The following PDIK1L variants were observed in gnomAD, a reference collection of about 807,000 sequenced individuals.
The protein encoded by PDIK1L is PDLIM1 interacting kinase 1 like, also known as serine/threonine-protein kinase PDIK1L.
PDIK1L carries 9 observed loss-of-function variants against 27.1 expected under a neutral mutation model. The ratio of observed to expected loss-of-function variants is 0.33; its 90% CI spans 0.20 to 0.58. The LOEUF (loss-of-function observed/expected upper bound fraction) is 0.58. PDIK1L is among the 20% of genes least tolerant of loss of function. The pLI is 0.86. For missense variants in PDIK1L, 216 were observed against 413.2 expected, an observed-to-expected ratio of 0.52 and a Z score of 4.14; for synonymous variants, 130 against 141.7, an observed-to-expected ratio of 0.92 and a Z score of 0.59.
Position 26,124,230 on chromosome 1 carries a change from T to G in PDIK1L, c.*1653T>G, listed in dbSNP as rs1028200585. 3 of 152,496 alleles carry G rather than the reference T, an allele frequency of 2.0e-5. No homozygotes were observed. The highest frequency in any genetic ancestry group is 7.2e-5 in the African/African-American group (3 of 41,468). The allele number at this position is 152,496 out of a possible 1,614,324, so 9.4% of individuals were successfully genotyped here. A position where few individuals can be genotyped will look rare whatever the true frequency, so the allele number is the denominator to read the frequency against. Reference sequence around the variant, plus strand: ...ACATAAAATTTCTGGACTATGTTAGTTACTTGATCTGGAAGTTTAAAATTT... The same window carrying G: ...ACATAAAATTTCTGGACTATGTTAGGTACTTGATCTGGAAGTTTAAAATTT... On this transcript the variant is annotated 3_prime_UTR_variant, in exon 3 of 3. Transcript: ENST00000374269.
Position 26,122,654 on chromosome 1 carries a change from G to T in PDIK1L, c.*77G>T. On this transcript the variant is annotated 3_prime_UTR_variant, in exon 3 of 3. Transcript: ENST00000374269. This position sits in a 1 kb window ranked among gnomAD's most constrained non-coding sequence, Gnocchi z 5.4. ...GATGCAACATTATGTGGCTGAAAAAGAATATAAAAAGCTAGACTCTACCCT... is the reference window on the plus strand; with the variant it reads ...GATGCAACATTATGTGGCTGAAAAATAATATAAAAAGCTAGACTCTACCCT... The T allele has an allele frequency of 2.0e-6, 3 of 1,483,136 alleles. No homozygotes were observed. The highest frequency in any genetic ancestry group is 9.0e-7 in the Non-Finnish European group (1 of 1,111,710). 91.9% of individuals were successfully genotyped at this position (1,483,136 alleles called of 1,614,324 possible). A position where few individuals can be genotyped will look rare whatever the true frequency, so the allele number is the denominator to read the frequency against.
At chr1:26,113,198 A>G (rs1329570082) in intron 1 of PDIK1L, among the ~76,000 whole-genome samples, 1 of 152,254 alleles carries the variant, frequency 6.6e-6, no homozygotes, top group Non-Finnish European at 1.5e-5. Flanking sequence ...ATTTTTAAGT[A>G]AATGTTTCTG....
chr1:26,112,698 C>T (rs1310490714), intron 1 of PDIK1L: 1 of 152,246 alleles, frequency 6.6e-6, no homozygotes, highest in African/African-American at 2.4e-5. Context: ...TCTCAGAAGT[C>T]ATTTCTTTTT....
chr1:26,113,057 G>A (rs1245369768), intron 1 of PDIK1L, among the ~76,000 whole-genome samples: 1 of 152,114 alleles, frequency 6.6e-6, no homozygotes, highest in African/African-American at 2.4e-5. Flanking sequence ...AAATGACCTA[G>A]AACTAAATAG....
rs1427002223 is a variant in PDIK1L at position 26,122,908 on chromosome 1, A to G, written c.*331A>G. ...AGTATTTTAGACATTCCTCGTCAGTATTAGGAATTTCCATGGGAAAAGAGG... is the reference window on the plus strand; with the variant it reads ...AGTATTTTAGACATTCCTCGTCAGTGTTAGGAATTTCCATGGGAAAAGAGG... On this transcript the variant is annotated 3_prime_UTR_variant, in exon 3 of 3. Coordinates refer to ENST00000374269, the MANE Select transcript of PDIK1L (RefSeq NM_152835.5). This position sits in a 1 kb window ranked among gnomAD's most constrained non-coding sequence, Gnocchi z 5.4. The G allele has an allele frequency of 1.1e-5, 2 of 180,384 alleles. No individual in the cohort carries two copies. The highest frequency in any genetic ancestry group is 4.7e-5 in the African/African-American group (2 of 42,268). 11.2% of individuals were successfully genotyped at this position (180,384 alleles called of 1,614,324 possible).
In PDIK1L at chr1:26,125,068, A is replaced by G. The variant is rs2088055387; in HGVS notation, c.*2491A>G. 2 of 152,756 alleles carry G rather than the reference A, an allele frequency of 1.3e-5. No homozygotes were observed. The highest frequency in any genetic ancestry group is 1.3e-4 in the Admixed American group (2 of 15,302). The allele number at this position is 152,756 out of a possible 1,614,324, so 9.5% of individuals were successfully genotyped here. A position where few individuals can be genotyped will look rare whatever the true frequency, so the allele number is the denominator to read the frequency against. ...TTTGAAATTTGTCTTAATTGAAAAA[A>G]GACCAAATATTTCAAATGAGCTTAT... is the stretch of plus-strand genomic sequence containing the variant. On this transcript the variant is annotated 3_prime_UTR_variant, in exon 3 of 3. Coordinates refer to ENST00000374269, the MANE Select transcript of PDIK1L (RefSeq NM_152835.5).
intron 2 of PDIK1L, among the ~76,000 whole-genome samples, chr1:26,118,110 G>A (rs1414487103): frequency 6.6e-6 from 1 of 151,130 alleles, no homozygotes; most frequent in African/African-American, 2.4e-5. Context: ...TTGAGTTTTA[G>A]AGACTAAGAG....
chr1:26,116,275 T>G (rs1569806647), intron 2 of PDIK1L, among the ~76,000 whole-genome samples: 1 of 148,772 alleles, frequency 6.7e-6, no homozygotes, highest in South Asian at 2.1e-4. Context: ...TTTAGGAGGG[T>G]GAAGCAGGAG....
In PDIK1L at chr1:26,122,811, A is replaced by G. The variant is rs1271428972; in HGVS notation, c.*234A>G. 2 of 354,432 alleles carry G rather than the reference A, an allele frequency of 5.6e-6. No homozygotes were observed. Among genetic ancestry groups the G allele is most frequent in the African/African-American group, 4.2e-5 (2 of 47,254 alleles). 22.0% of individuals were successfully genotyped at this position (354,432 alleles called of 1,614,324 possible). Reference sequence around the variant, plus strand: ...AAATTTTTAAAAAATGATTATTGATAGAAGTTTGGCAGGAAAATTCTTTAA... The same window carrying G: ...AAATTTTTAAAAAATGATTATTGATGGAAGTTTGGCAGGAAAATTCTTTAA... On this transcript the variant is annotated 3_prime_UTR_variant, in exon 3 of 3. Transcript: ENST00000374269. The surrounding 1 kb of genome is among the most constrained non-coding windows in gnomAD (Gnocchi z 5.4).
In PDIK1L at chr1:26,121,775, TC is replaced by T. The variant is rs2124474871; in HGVS notation, c.286-60del. 6.8e-6 allele frequency: 10 copies of T among 1,462,816 alleles called. No individual in the cohort carries two copies. The South Asian group carries it at 1.2e-4, about 18-fold the overall frequency. 90.6% of individuals were successfully genotyped at this position (1,462,816 alleles called of 1,614,324 possible). A position where few individuals can be genotyped will look rare whatever the true frequency, so the allele number is the denominator to read the frequency against. ...TGACTTAACCTTTCAATTATTATTT[TC>T]CTATAACTGAATTGTATAACCTATG... On this transcript the variant is annotated intron_variant, in intron 2 of 2. Coordinates refer to ENST00000374269, the MANE Select transcript of PDIK1L (RefSeq NM_152835.5).
chr1:26,114,622 T>C lies in PDIK1L; in HGVS notation c.285+29T>C. ...TGTGTTGTTGATTGGGAAATAGAAA[T>C]GATTTGAACATGGCATTGGCCAGCA... On this transcript the variant is annotated intron_variant, in intron 2 of 2. Coordinates refer to ENST00000374269, the MANE Select transcript of PDIK1L (RefSeq NM_152835.5). The surrounding 1 kb of genome is among the most constrained non-coding windows in gnomAD (Gnocchi z 4.8). 1 of 1,600,892 alleles carries C rather than the reference T, an allele frequency of 6.2e-7. No homozygotes were observed. The highest frequency in any genetic ancestry group is 1.1e-5 in the South Asian group (1 of 90,456).
chr1:26,117,324 G>A (rs1325967892), intron 2 of PDIK1L, among the ~76,000 whole-genome samples: 2 of 152,036 alleles, frequency 1.3e-5, no homozygotes, highest in African/African-American at 2.4e-5. Flanking sequence ...GAGCCACCTC[G>A]CCCAGCCAAT....
At chr1:26,121,764 AATT>A (rs1446683757) in intron 2 of PDIK1L, 70 bp from the exon 3 acceptor site, 55 of 1,439,158 alleles carry the variant, frequency 3.8e-5, no homozygotes, top group Middle Eastern at 1.9e-4. Flanking sequence ...TTAACCTTTC[AATT>A]ATTATTTTCC....
chr1:26,111,487 G>A (rs1244755280), upstream of PDIK1L: 1 of 151,424 alleles, frequency 6.6e-6, no homozygotes, highest in Non-Finnish European at 1.5e-5. This position sits in a 1 kb window ranked among gnomAD's most constrained non-coding sequence, Gnocchi z 4.0. Flanking sequence ...CCCAGGCCCG[G>A]ACCTGCCGCT....
At position 26,125,217 on chromosome 1, in the gene PDIK1L, C is replaced by T. The variant is rs929565380; in HGVS notation, c.*2640C>T. 1 of 152,500 alleles carries T rather than the reference C, an allele frequency of 6.6e-6. No individual in the cohort carries two copies. Among genetic ancestry groups the T allele is most frequent in the Admixed American group, 6.5e-5 (1 of 15,268 alleles). The allele number at this position is 152,500 out of a possible 1,614,324, so 9.4% of individuals were successfully genotyped here. On this transcript the variant is annotated 3_prime_UTR_variant, in exon 3 of 3. Transcript: ENST00000374269. The stretch of plus-strand genomic sequence containing the variant: ...TTTTTGGTGCTAAGGGATACTTTGT[C>T]ATTATGATGAAGTAAGTGTTAAGTG...
At chr1:26,111,450 G>A (rs2124465481), upstream of PDIK1L, 1 of 151,964 alleles carries the variant, frequency 6.6e-6, no homozygotes, top group Non-Finnish European at 1.5e-5. The surrounding 1 kb of genome is among the most constrained non-coding windows in gnomAD (Gnocchi z 4.0). Flanking sequence ...GTAGAGGGAG[G>A]GGAGGCCGCG....
intron 2 of PDIK1L, among the ~76,000 whole-genome samples, chr1:26,117,648 C>A (rs551028233): frequency 6.6e-6 from 1 of 152,230 alleles, no homozygotes; most frequent in South Asian, 2.1e-4. Flanking sequence ...GAGACTGAGG[C>A]AGGAGAATTG....
chr1:26,114,227 A>C lies in PDIK1L; in HGVS notation c.-17-65A>C. On this transcript the variant is annotated intron_variant, in intron 1 of 2. Coordinates refer to ENST00000374269, the MANE Select transcript of PDIK1L (RefSeq NM_152835.5). The surrounding 1 kb of genome is among the most constrained non-coding windows in gnomAD (Gnocchi z 4.8). ...CAGACAGATGACAAGTAAATCATAC[A>C]TAAGAAGAAATACAAGCCAGTAGGT... is the stretch of plus-strand genomic sequence containing the variant. 7.0e-7 allele frequency: 1 copy of C among 1,425,132 alleles called. No individual in the cohort carries two copies. Among genetic ancestry groups the C allele is most frequent in the South Asian group, 1.4e-5 (1 of 70,836 alleles). The allele number at this position is 1,425,132 out of a possible 1,614,324, so 88.3% of individuals were successfully genotyped here.
chr1:26,118,625 A>G (rs1239341476), intron 2 of PDIK1L, among the ~76,000 whole-genome samples: 1 of 152,232 alleles, frequency 6.6e-6, no homozygotes, highest in East Asian at 1.9e-4. Flanking sequence ...TACTTTGTAT[A>G]GGAGTTGTCA....
Sources: allele counts gnomAD v4.1 joint callset (sites outside exome capture counted in the v4.1 genomes callset), GRCh38; gene constraint gnomAD v4.1.1; non-coding constraint Gnocchi (gnomAD v3.1); transcripts MANE v1.5; gene names NCBI Gene and HGNC (gene_info 2026-07-23, HGNC 2026-07-21).